KIFC2: variants seen among roughly 807,000 people sequenced by gnomAD.
KIFC2 encodes kinesin-like protein KIFC2.
A neutral mutation model predicts 91.5 loss-of-function variants in KIFC2; 94 were observed. The observed-to-expected ratio is 1.03, with a 90% CI of 0.87 to 1.22. The LOEUF (loss-of-function observed/expected upper bound fraction) is 1.22. KIFC2 is among the 50% of genes most tolerant of loss of function. The pLI, the probability that KIFC2 is intolerant of heterozygous loss-of-function variation, is 0.00. For synonymous variants in KIFC2, 729 were observed against 503.9 expected, an observed-to-expected ratio of 1.45 and a Z score of -5.98; for missense variants, 1,357 against 1,103.3, an observed-to-expected ratio of 1.23 and a Z score of -3.26.
chr8:144,471,880 C>T, intron 12 of KIFC2, 62 bp from the exon 13 acceptor site: 2 of 1,482,396 alleles, frequency 1.3e-6, no homozygotes, highest in Non-Finnish European at 9.4e-7. Context: ...CCCACCCCAC[C>T]AAATAGGGCA....
Position 144,468,602 on chromosome 8 carries a change from G to A in KIFC2, c.955G>A (p.Glu319Lys), listed in dbSNP as rs769307821. The part of the protein sequence containing the change: ...GALQQLQQET[E>K]QNCRRELQQM... The stretch of plus-strand genomic sequence containing the variant: ...CCTCCAGCAGCTCCAGCAGGAGACG[G>A]AGCAGAACTGCAGGCGTGAGCTACA... Residue 319 changes from glutamate (E) to lysine (K), a missense_variant, in exon 9 of 18, where the codon GAG becomes AAG. Physicochemically the swap from Glu to Lys is moderately conservative, Grantham distance 56. Transcript: ENST00000645548. The A allele has an allele frequency of 3.7e-6, 6 of 1,613,014 alleles. No homozygotes were observed. The South Asian group carries it at 4.4e-5, about 12-fold the overall frequency.
chr8:144,472,186 T>A lies in KIFC2; in HGVS notation c.1534T>A (p.Phe512Ile), dbSNP rs1409137539. The A allele has an allele frequency of 1.2e-6, 2 of 1,613,204 alleles. No individual in the cohort carries two copies. Among genetic ancestry groups the A allele is most frequent in the Non-Finnish European group, 1.7e-6 (2 of 1,180,010 alleles). Reference sequence around the variant, plus strand: ...AGTTCCTAGGGCGCTGCAGTCGCTGTTCCGGGAGATGGGGGCCGGCCGGCA... The same window carrying A: ...AGTTCCTAGGGCGCTGCAGTCGCTGATCCGGGAGATGGGGGCCGGCCGGCA... ...GIVPRALQSLFREMGAGRQHR... is the reference protein window; with the variant it reads ...GIVPRALQSLIREMGAGRQHR... The change falls in exon 14 of 18, where the codon TTC (phenylalanine) becomes ATC (isoleucine). Residue 512 changes from phenylalanine (F) to isoleucine (I), a missense_variant. Physicochemically the swap from Phe to Ile is conservative, Grantham distance 21 (BLOSUM62 0). Coordinates refer to ENST00000645548, the MANE Select transcript of KIFC2 (RefSeq NM_001369769.2).
chr8:144,472,283 C>T lies in KIFC2; in HGVS notation c.1607+24C>T, dbSNP rs758407047. 6.2e-6 allele frequency: 10 copies of T among 1,613,242 alleles called. No individual in the cohort carries two copies. The South Asian group carries it at 7.7e-5, about 12-fold the overall frequency. On this transcript the variant is annotated intron_variant, in intron 14 of 17. Transcript: ENST00000645548. ...AGGTGGGCTACTCCACCAGGGAGGC[C>T]TTCTCCCCACCCCTGGCCCAGGGCC...
chr8:144,472,621 C>G lies in KIFC2; in HGVS notation c.1776C>G (p.Ala592=). Reference sequence around the variant, plus strand: ...GCAACCGGGCCACCGCCGCCACCGCCATGAACCAGCGCAGCTCCCGCTCGC... The same window carrying G: ...GCAACCGGGCCACCGCCGCCACCGCGATGAACCAGCGCAGCTCCCGCTCGC... ...GRSNRATAAT[A]MNQRSSRSHA... The change falls in exon 16 of 18, where the codon GCC becomes GCG. Residue 592 remains alanine, a synonymous_variant. Transcript: ENST00000645548. 1 of 1,605,050 alleles carries G rather than the reference C, an allele frequency of 6.2e-7. No individual in the cohort carries two copies. Among genetic ancestry groups the G allele is most frequent in the Non-Finnish European group, 8.5e-7 (1 of 1,179,736 alleles).
Position 144,466,405 on chromosome 8 carries a change from C to A in KIFC2, c.-15C>A. 1 of 1,230,154 alleles carries A rather than the reference C, an allele frequency of 8.1e-7. No individual in the cohort carries two copies. Among genetic ancestry groups the A allele is most frequent in the Non-Finnish European group, 1.1e-6 (1 of 952,328 alleles). 76.2% of individuals were successfully genotyped at this position (1,230,154 alleles called of 1,614,324 possible). ...GGGCGGCGCGAAGCGGGGCCCTCTG[C>A]CGCCCCGCGCTCCCATGTACGCCTT... is the stretch of plus-strand genomic sequence containing the variant. On this transcript the variant is annotated 5_prime_UTR_variant, in exon 1 of 18. Coordinates refer to ENST00000645548, the MANE Select transcript of KIFC2 (RefSeq NM_001369769.2).
intron 10 of KIFC2, among the ~76,000 whole-genome samples, 163 bp downstream of exon 10, chr8:144,468,997 T>G (rs952955680): frequency 6.6e-5 from 10 of 152,190 alleles, no homozygotes; most frequent in South Asian, 4.1e-4. Context: ...GGCCTTATTT[T>G]AATTCTATGC....
intron 11 of KIFC2, 33 bp downstream of exon 11, chr8:144,469,412 G>T (rs757286199): frequency 6.2e-7 from 1 of 1,612,250 alleles, no homozygotes; most frequent in Non-Finnish European, 8.5e-7. Context: ...GCGGGGCAGG[G>T]AGGGCGGCTG....
chr8:144,468,582 A>T lies in KIFC2; in HGVS notation c.935A>T (p.Gln312Leu), dbSNP rs1275623526. 1.2e-6 allele frequency: 2 copies of T among 1,609,870 alleles called. No individual in the cohort carries two copies. Among genetic ancestry groups the T allele is most frequent in the African/African-American group, 2.7e-5 (2 of 74,834 alleles). The change falls in exon 9 of 18, where the codon CAG (glutamine) becomes CTG (leucine). Residue 312 changes from glutamine (Q) to leucine (L), a missense_variant. Gln to Leu is a moderately radical substitution (Grantham distance 113). Coordinates refer to ENST00000645548, the MANE Select transcript of KIFC2 (RefSeq NM_001369769.2). Reference protein sequence around the residue: ...VQLQGLQGALQQLQQETEQNC... With the variant: ...VQLQGLQGALLQLQQETEQNC... ...CTGCAGGGCCTTCAAGGGGCCCTCC[A>T]GCAGCTCCAGCAGGAGACGGAGCAG... is the stretch of plus-strand genomic sequence containing the variant.
chr8:144,466,985 G>C lies in KIFC2; in HGVS notation c.205G>C (p.Glu69Gln). 6.3e-7 allele frequency: 1 copy of C among 1,596,806 alleles called. No individual in the cohort carries two copies. Among genetic ancestry groups the C allele is most frequent in the Non-Finnish European group, 8.5e-7 (1 of 1,176,776 alleles). ...CAGCTCCGAGCCTGAGGATGGGTCG[G>C]AAGGCGCAGCCGAGGGCCGCGCGGC... The part of the protein sequence containing the change: ...AASSEPEDGS[E>Q]GAAEGRAAAV... Residue 69 changes from glutamate to glutamine, a missense_variant, in exon 3 of 18, where the codon GAA (glutamate) becomes CAA (glutamine). Coordinates refer to ENST00000645548, the MANE Select transcript of KIFC2 (RefSeq NM_001369769.2).
At position 144,474,171 on chromosome 8, in the gene KIFC2, C is replaced by T; in HGVS notation, c.*782C>T. On this transcript the variant is annotated 3_prime_UTR_variant, in exon 18 of 18. Transcript: ENST00000645548. ...GCTGTGGTCGCAGACAGCCGCCTCG[C>T]CTTGGCTCCCTGTCAACAAGGTGGG... 7.7e-7 allele frequency: 1 copy of T among 1,290,580 alleles called. No homozygotes were observed. The highest frequency in any genetic ancestry group is 1.5e-5 in the South Asian group (1 of 67,368). 79.9% of individuals were successfully genotyped at this position (1,290,580 alleles called of 1,614,324 possible). A position where few individuals can be genotyped will look rare whatever the true frequency, so the allele number is the denominator to read the frequency against.
At chr8:144,466,907 T>A (rs1329015039) in intron 2 of KIFC2, 52 bp from the exon 3 acceptor site, 1 of 1,561,114 alleles carries the variant, frequency 6.4e-7, no homozygotes. Context: ...GGCGGAGGCC[T>A]GGCTCAAGCA....
Position 144,469,515 on chromosome 8 carries a change from G to A in KIFC2, c.1248G>A (p.Leu416=), listed in dbSNP as rs1824841469. Residue 416 remains leucine (L), a synonymous_variant, in exon 12 of 18, where the codon CTG becomes CTA. Coordinates refer to ENST00000645548, the MANE Select transcript of KIFC2 (RefSeq NM_001369769.2). ...GAAATATCCGTGTGCTGTGTCGGCT[G>A]AGGCCAGGGACATCTTCTAGCCTTG... is the stretch of plus-strand genomic sequence containing the variant. ...LKGNIRVLCR[L]RPGTSSSLVS... is the part of the protein sequence containing the mutation. The A allele has an allele frequency of 3.1e-6, 5 of 1,614,004 alleles. No individual in the cohort carries two copies. In the African/African-American group the frequency reaches 4.0e-5, roughly 13 times the overall value.
chr8:144,467,184 ATTC>A lies in KIFC2; in HGVS notation c.331-16_331-14del. On this transcript the variant is annotated splice_polypyrimidine_tract_variant and intron_variant, in intron 3 of 17. Transcript: ENST00000645548. ...TCCTGGCTTTCACAGCCCTGCTCGG[ATTC>A]TTGTCTCCTTCGCAGTCTGGCGAGG... The A allele has an allele frequency of 6.2e-7, 1 of 1,613,316 alleles. No homozygotes were observed. The highest frequency in any genetic ancestry group is 8.5e-7 in the Non-Finnish European group (1 of 1,179,988).
chr8:144,472,043 G>A lies in KIFC2; in HGVS notation c.1482G>A (p.Met494Ile). The change falls in exon 13 of 18, where the codon ATG becomes ATA. Residue 494 changes from methionine (M) to isoleucine (I), a missense_variant. Physicochemically the swap from Met to Ile is conservative, Grantham distance 10. Coordinates refer to ENST00000645548, the MANE Select transcript of KIFC2 (RefSeq NM_001369769.2). ...CAGGCACCGGGAAGACCTACAGCAT[G>A]GAGGTGGGACAGAGCTCACGCCCCA... Reference protein sequence around the residue: ...GQTGTGKTYSMEGPPEDPGIV... With the variant: ...GQTGTGKTYSIEGPPEDPGIV... The A allele has an allele frequency of 6.2e-7, 1 of 1,613,528 alleles. No individual in the cohort carries two copies. Among genetic ancestry groups the A allele is most frequent in the Non-Finnish European group, 8.5e-7 (1 of 1,180,018 alleles).
At chr8:144,471,190 C>G (rs11989550) in intron 12 of KIFC2, among the ~76,000 whole-genome samples, 1 of 152,058 alleles carries the variant, frequency 6.6e-6, no homozygotes, top group Non-Finnish European at 1.5e-5. Context: ...GTCTTGAACT[C>G]CTGACCTTGT....
chr8:144,468,259 T>C (rs1824769415), intron 7 of KIFC2, 70 bp from the exon 8 acceptor site: 1 of 1,413,344 alleles, frequency 7.1e-7, no homozygotes, highest in African/African-American at 1.4e-5. Flanking sequence ...TTGACTTGAC[T>C]TTCCCATCTG....
At position 144,473,277 on chromosome 8, in the gene KIFC2, C is replaced by G. The variant is rs768283405; in HGVS notation, c.2264C>G (p.Pro755Arg). Residue 755 changes from proline to arginine, a missense_variant, in exon 18 of 18, where the codon CCG (proline) becomes CGG (arginine). Pro to Arg is a moderately radical substitution (Grantham distance 103). Coordinates refer to ENST00000645548, the MANE Select transcript of KIFC2 (RefSeq NM_001369769.2). ...GTPSSLSTDT[P>R]LTGTPCTPTP... ...CCTTCTTCCCTCAGCACCGACACTCCGCTCACCGGGACCCCCTGCACCCCT... is the reference window on the plus strand; with the variant it reads ...CCTTCTTCCCTCAGCACCGACACTCGGCTCACCGGGACCCCCTGCACCCCT... 1.9e-6 allele frequency: 3 copies of G among 1,605,884 alleles called. No homozygotes were observed. Among genetic ancestry groups the G allele is most frequent in the Non-Finnish European group, 2.5e-6 (3 of 1,177,236 alleles).
chr8:144,472,854 G>A lies in KIFC2; in HGVS notation c.1921G>A (p.Gly641Ser), dbSNP rs542668383. 7.8e-5 allele frequency: 120 copies of A among 1,547,118 alleles called. 1 individual carries two copies. The South Asian group carries it at 1.2e-3, about 16-fold the overall frequency. ...ACGCGCACGGAAGGCAGGGGCGGCC[G>A]GCCCGCCGCGGGGAGACCCAGACGG... ...SERARKAGAA[G>S]PPRGDPDGAR... The change falls in exon 17 of 18, where the codon GGC becomes AGC. Residue 641 changes from glycine to serine, a missense_variant. Transcript: ENST00000645548.
Position 144,467,009 on chromosome 8 carries a change from G to A in KIFC2, c.229G>A (p.Ala77Thr). Residue 77 changes from alanine (A) to threonine (T), a missense_variant, in exon 3 of 18, where the codon GCC (alanine) becomes ACC (threonine). Transcript: ENST00000645548. ...GSEGAAEGRA[A>T]AVSLEEALLR... ...GGAAGGCGCAGCCGAGGGCCGCGCGGCCGCGGTGTCCCTGGAAGAGGCCCT... is the reference window on the plus strand; with the variant it reads ...GGAAGGCGCAGCCGAGGGCCGCGCGACCGCGGTGTCCCTGGAAGAGGCCCT... 3.1e-6 allele frequency: 5 copies of A among 1,596,178 alleles called. No homozygotes were observed. The highest frequency in any genetic ancestry group is 3.4e-6 in the Non-Finnish European group (4 of 1,175,108).
Sources: allele counts gnomAD v4.1 joint callset (sites outside exome capture counted in the v4.1 genomes callset), GRCh38; gene constraint gnomAD v4.1.1; transcripts MANE v1.5; gene names NCBI Gene and HGNC (gene_info 2026-07-23, HGNC 2026-07-21).